The following DOK6 variants were observed in gnomAD, a reference collection of about 807,000 sequenced individuals.
DOK6 encodes the protein downstream of tyrosine kinase 6.
In DOK6, 22 loss-of-function variants were observed where a neutral mutation model predicts 44.0. The observed-to-expected ratio is 0.50, with a 90% CI of 0.36 to 0.71. The LOEUF (loss-of-function observed/expected upper bound fraction) is 0.71. Among genes scored for constraint, DOK6 ranks in the 30% least tolerant of loss-of-function variants. The pLI is 0.00. For missense variants in DOK6, 340 were observed against 416.4 expected (o/e 0.82, Z 1.60); for synonymous variants, 166 against 145.5 (o/e 1.14, Z -1.01).
intron 1 of DOK6, among the ~76,000 whole-genome samples, chr18:69,530,287 A>C (rs749023801): frequency 6.6e-6 from 1 of 152,130 alleles, no homozygotes; most frequent in Admixed American, 6.5e-5. Context: ...GTAGAACTTT[A>C]TATTGCAGGC....
intron 5 of DOK6, among the ~76,000 whole-genome samples, chr18:69,711,152 A>G (rs1179893095): frequency 6.6e-6 from 1 of 152,222 alleles, no homozygotes; most frequent in African/African-American, 2.4e-5. Context: ...CCTCCAATTC[A>G]TATCATTAGA....
At chr18:69,499,492 C>A (rs1040027305) in intron 1 of DOK6, among the ~76,000 whole-genome samples, 1 of 152,066 alleles carries the variant, frequency 6.6e-6, no homozygotes, top group African/African-American at 2.4e-5. Context: ...CAACAAAGGG[C>A]AGATTTTTCT....
At chr18:69,452,258 A>G (rs1232449074) in intron 1 of DOK6, among the ~76,000 whole-genome samples, 11 of 149,938 alleles carry the variant, frequency 7.3e-5, no homozygotes, top group Non-Finnish European at 1.5e-5. Flanking sequence ...AGAAATACAA[A>G]CTACCATCAG....
At chr18:69,446,998 G>A (rs576511818) in intron 1 of DOK6, among the ~76,000 whole-genome samples, 2 of 152,188 alleles carry the variant, frequency 1.3e-5, no homozygotes, top group East Asian at 3.9e-4. Flanking sequence ...TTTCTATTCT[G>A]TAGGTTGCCT....
chr18:69,640,589 T>C (rs1384186408), intron 3 of DOK6, among the ~76,000 whole-genome samples: 1 of 152,116 alleles, frequency 6.6e-6, no homozygotes. Context: ...AGCAACAGCA[T>C]CTAACCCTGG....
chr18:69,431,462 A>T (rs1434508406), intron 1 of DOK6, among the ~76,000 whole-genome samples: 1 of 152,212 alleles, frequency 6.6e-6, no homozygotes, highest in Non-Finnish European at 1.5e-5. Context: ...TTCTGACAGC[A>T]AACAAGATTT....
intron 1 of DOK6, among the ~76,000 whole-genome samples, chr18:69,513,902 T>C (rs1212203493): frequency 6.6e-6 from 1 of 152,126 alleles, no homozygotes; most frequent in East Asian, 1.9e-4. Flanking sequence ...AAGTTAGTAT[T>C]TGTCAGATTA....
intron 4 of DOK6, among the ~76,000 whole-genome samples, chr18:69,678,361 G>A (rs1985971578): frequency 6.6e-6 from 1 of 152,188 alleles, no homozygotes; most frequent in African/African-American, 2.4e-5. Context: ...CTGGCTTCTT[G>A]TCTGTGGCAT....
intron 3 of DOK6, among the ~76,000 whole-genome samples, chr18:69,663,798 C>T (rs1408278474): frequency 6.6e-6 from 1 of 152,180 alleles, no homozygotes; most frequent in Non-Finnish European, 1.5e-5. Context: ...CTGTGTGACT[C>T]TGGTGGCTGT....
intron 7 of DOK6, among the ~76,000 whole-genome samples, chr18:69,810,601 A>G (rs929546596): frequency 6.6e-6 from 1 of 152,028 alleles, no homozygotes; most frequent in African/African-American, 2.4e-5. Flanking sequence ...GTATATAAGG[A>G]ACTCAAACAA....
chr18:69,567,820 A>G (rs1311669134), intron 2 of DOK6, among the ~76,000 whole-genome samples: 2 of 152,192 alleles, frequency 1.3e-5, no homozygotes, highest in African/African-American at 4.8e-5. Flanking sequence ...TAGATGACAC[A>G]TGGCTTTACT....
chr18:69,824,638 A>C (rs2145127241), intron 7 of DOK6, among the ~76,000 whole-genome samples: 1 of 152,330 alleles, frequency 6.6e-6, no homozygotes, highest in African/African-American at 2.4e-5. Context: ...TAGGATTACA[A>C]GTGTTAGCCA....
chr18:69,624,952 T>C (rs1000127058), intron 3 of DOK6, among the ~76,000 whole-genome samples: 1 of 152,152 alleles, frequency 6.6e-6, no homozygotes, highest in Non-Finnish European at 1.5e-5. Context: ...CATCCCACTC[T>C]ACTAAATATC....
chr18:69,491,046 TA>T (rs962457933), intron 1 of DOK6, among the ~76,000 whole-genome samples: 2 of 152,200 alleles, frequency 1.3e-5, no homozygotes, highest in African/African-American at 4.8e-5. Context: ...GTATATATAC[TA>T]AACATTCAGT....
chr18:69,746,249 A>AT (rs1468774998), intron 6 of DOK6, among the ~76,000 whole-genome samples: 2 of 152,020 alleles, frequency 1.3e-5, no homozygotes, highest in Non-Finnish European at 2.9e-5. Flanking sequence ...TCCATACATG[A>AT]TTTTATTTAT....
At chr18:69,700,603 T>C (rs747642317) in intron 5 of DOK6, among the ~76,000 whole-genome samples, 4 of 152,176 alleles carry the variant, frequency 2.6e-5, no homozygotes, top group Non-Finnish European at 5.9e-5. Context: ...TGGACACAGT[T>C]CATTTGTGTG....
intron 2 of DOK6, among the ~76,000 whole-genome samples, chr18:69,565,130 A>T (rs1478188692): frequency 6.6e-6 from 1 of 152,166 alleles, no homozygotes; most frequent in Non-Finnish European, 1.5e-5. Flanking sequence ...CCCCAAAATG[A>T]CGCTAAATAT....
At chr18:69,534,892 A>C (rs1442668) in intron 1 of DOK6, among the ~76,000 whole-genome samples, 4,567 of 152,230 alleles carry the variant, frequency 0.03, 82 homozygotes, top group Middle Eastern at 0.048. Flanking sequence ...CTTTGATTTT[A>C]TAAAGACTTT....
intron 1 of DOK6, among the ~76,000 whole-genome samples, chr18:69,477,956 G>T (rs1280909918): frequency 6.6e-6 from 1 of 152,120 alleles, no homozygotes; most frequent in Non-Finnish European, 1.5e-5. Flanking sequence ...AAATTTTTCA[G>T]TGGTGAATGA....
Sources: allele counts gnomAD v4.1 joint callset (sites outside exome capture counted in the v4.1 genomes callset), GRCh38; gene constraint gnomAD v4.1.1; transcripts MANE v1.5; gene names NCBI Gene and HGNC (gene_info 2026-07-23, HGNC 2026-07-21).